The following SLC1A4 variants were observed in gnomAD, a reference collection of about 807,000 sequenced individuals.
The protein encoded by SLC1A4 is neutral amino acid transporter A.
SLC1A4 carries 19 observed loss-of-function variants against 37.7 expected under a neutral mutation model. The observed-to-expected ratio is 0.50, with a 90% CI of 0.35 to 0.74. SLC1A4 has a LOEUF of 0.74. SLC1A4 is among the 30% of genes least tolerant of loss of function. The pLI is 0.01. For synonymous variants in SLC1A4, 299 were observed against 309.8 expected, an observed-to-expected ratio of 0.97 and a Z score of 0.37; for missense variants, 570 against 712.9, an observed-to-expected ratio of 0.80 and a Z score of 2.28.
Position 65,022,358 on chromosome 2 carries a change from G to C in SLC1A4, c.*1212G>C, listed in dbSNP as rs2103688251. 6.6e-6 allele frequency: 1 copy of C among 152,360 alleles called. No homozygotes were observed. Among genetic ancestry groups the C allele is most frequent in the South Asian group, 2.1e-4 (1 of 4,828 alleles). 9.4% of individuals were successfully genotyped at this position (152,360 alleles called of 1,614,324 possible). The stretch of plus-strand genomic sequence containing the variant: ...GAAGGGGAAGATCTGAGAGCGTGCT[G>C]TTTGTGGCTGTTGATGCATATTCGT... On this transcript the variant is annotated 3_prime_UTR_variant, in exon 8 of 8. Transcript: ENST00000234256.
At position 65,010,583 on chromosome 2, in the gene SLC1A4, C is replaced by T; in HGVS notation, c.634-14C>T. The stretch of plus-strand genomic sequence containing the variant: ...ATCTGTTGTAAACTTGTTCTATCCT[C>T]TCTGATCCTGCAGATCCCCATAGGC... On this transcript the variant is annotated splice_polypyrimidine_tract_variant and intron_variant, in intron 3 of 7. Transcript: ENST00000234256. The T allele has an allele frequency of 6.3e-7, 1 of 1,593,228 alleles. No homozygotes were observed. Among genetic ancestry groups the T allele is most frequent in the Non-Finnish European group, 8.5e-7 (1 of 1,171,302 alleles).
Position 65,003,944 on chromosome 2 carries a change from T to C in SLC1A4, c.571-9T>C. 3 of 1,613,474 alleles carry C rather than the reference T, an allele frequency of 1.9e-6. No individual in the cohort carries two copies. The highest frequency in any genetic ancestry group is 2.5e-6 in the Non-Finnish European group (3 of 1,179,480). On this transcript the variant is annotated splice_polypyrimidine_tract_variant and intron_variant, in intron 2 of 7. Coordinates refer to ENST00000234256, the MANE Select transcript of SLC1A4 (RefSeq NM_003038.5). Reference sequence around the variant, plus strand: ...CTAACAGTGGGTTTTTTTTTCCTCTTGATCACAGTATGCAACCGATTATAA... The same window carrying C: ...CTAACAGTGGGTTTTTTTTTCCTCTCGATCACAGTATGCAACCGATTATAA...
rs1186552240 is a variant in SLC1A4 at position 64,989,822 on chromosome 2, C to T, written c.179C>T (p.Ala60Val). Reference protein sequence around the residue: ...SGVLAGAGLGAALRGLSLSRT... With the variant: ...SGVLAGAGLGVALRGLSLSRT... ...GTGCTGGCGGGCGCGGGCCTGGGCG[C>T]GGCGTTGCGCGGGCTCAGCCTGAGC... Residue 60 changes from alanine (A) to valine (V), a missense_variant, in exon 1 of 8, where the codon GCG becomes GTG. Physicochemically the swap from Ala to Val is moderately conservative, Grantham distance 64 (BLOSUM62 0). Coordinates refer to ENST00000234256, the MANE Select transcript of SLC1A4 (RefSeq NM_003038.5). 2 of 1,533,226 alleles carry T rather than the reference C, an allele frequency of 1.3e-6. No homozygotes were observed. Among genetic ancestry groups the T allele is most frequent in the Non-Finnish European group, 1.7e-6 (2 of 1,143,664 alleles). 95.0% of individuals were successfully genotyped at this position (1,533,226 alleles called of 1,614,324 possible).
intron 3 of SLC1A4, among the ~76,000 whole-genome samples, chr2:65,004,262 T>C (rs893544352): frequency 1.3e-5 from 2 of 152,124 alleles, no homozygotes; most frequent in African/African-American, 4.8e-5. Flanking sequence ...GTTGTTTGTT[T>C]GTTTGTTTGA....
At chr2:64,992,282 C>T (rs1229243905) in intron 1 of SLC1A4, among the ~76,000 whole-genome samples, 2 of 152,174 alleles carry the variant, frequency 1.3e-5, no homozygotes, top group Non-Finnish European at 2.9e-5. Flanking sequence ...TAGGGGGTAC[C>T]TCATTACCTC....
intron 1 of SLC1A4, among the ~76,000 whole-genome samples, chr2:64,998,928 G>A (rs1673366171): frequency 6.6e-6 from 1 of 152,174 alleles, no homozygotes; most frequent in African/African-American, 2.4e-5. Context: ...CGGTCCTCAT[G>A]GAAAGAGAAA....
At chr2:65,001,893 A>G (rs578062845) in intron 2 of SLC1A4, among the ~76,000 whole-genome samples, 1 of 152,384 alleles carries the variant, frequency 6.6e-6, no homozygotes, top group East Asian at 1.9e-4. Flanking sequence ...GAAAACAAAA[A>G]TCATCCATAG....
At chr2:65,004,654 CT>C (rs150485444) in intron 3 of SLC1A4, among the ~76,000 whole-genome samples, 141 of 151,928 alleles carry the variant, frequency 9.3e-4, no homozygotes, top group African/African-American at 3.2e-3. Context: ...TAAACTACCC[CT>C]ATACCTATTA....
At chr2:65,019,561 G>T (rs1674323619) in intron 7 of SLC1A4, among the ~76,000 whole-genome samples, 1 of 152,222 alleles carries the variant, frequency 6.6e-6, no homozygotes, top group Admixed American at 6.5e-5. Context: ...TCCAGACCAG[G>T]TTCGTCACAG....
chr2:65,016,287 G>A (rs1238672478), intron 4 of SLC1A4, among the ~76,000 whole-genome samples, 153 bp from the exon 5 acceptor site: 1 of 152,192 alleles, frequency 6.6e-6, no homozygotes, highest in Non-Finnish European at 1.5e-5. Context: ...AATGGGGATG[G>A]TATAACCCTG....
intron 2 of SLC1A4, among the ~76,000 whole-genome samples, chr2:65,003,264 C>A (rs1673547859): frequency 6.6e-6 from 1 of 152,130 alleles, no homozygotes. Flanking sequence ...TTCGAAGGGG[C>A]CAGGAAGGAC....
intron 1 of SLC1A4, chr2:64,994,836 C>T (rs1673191499): frequency 6.6e-6 from 1 of 152,142 alleles, no homozygotes; most frequent in South Asian, 2.1e-4. Flanking sequence ...ACGTGATGTT[C>T]CAATGTGAAG....
chr2:64,989,807 G>C lies in SLC1A4; in HGVS notation c.164G>C (p.Gly55Ala). 1 of 1,526,140 alleles carries C rather than the reference G, an allele frequency of 6.6e-7. No homozygotes were observed. Among genetic ancestry groups the C allele is most frequent in the Non-Finnish European group, 8.8e-7 (1 of 1,140,452 alleles). 94.5% of individuals were successfully genotyped at this position (1,526,140 alleles called of 1,614,324 possible). A position where few individuals can be genotyped will look rare whatever the true frequency, so the allele number is the denominator to read the frequency against. Residue 55 changes from glycine (G) to alanine (A), a missense_variant, in exon 1 of 8, where the codon GGC becomes GCC. Physicochemically the swap from Gly to Ala is moderately conservative, Grantham distance 60. Coordinates refer to ENST00000234256, the MANE Select transcript of SLC1A4 (RefSeq NM_003038.5). ...CTCACCGTGTCCGGGGTGCTGGCGG[G>C]CGCGGGCCTGGGCGCGGCGTTGCGC... ...VLLTVSGVLA[G>A]AGLGAALRGL...
chr2:65,017,358 A>C (rs1047442517), intron 5 of SLC1A4, among the ~76,000 whole-genome samples: 7 of 152,142 alleles, frequency 4.6e-5, no homozygotes, highest in Admixed American at 2.0e-4. Flanking sequence ...AAAAAAAAAA[A>C]AAAACACTGG....
At chr2:65,005,100 G>T (rs990949167) in intron 3 of SLC1A4, among the ~76,000 whole-genome samples, 4 of 152,182 alleles carry the variant, frequency 2.6e-5, no homozygotes, top group Non-Finnish European at 5.9e-5. Context: ...AAACTATGCA[G>T]AAAAAATATT....
Position 65,022,533 on chromosome 2 carries a change from C to G in SLC1A4, c.*1387C>G, listed in dbSNP as rs1192681362. 1 of 139,248 alleles carries G rather than the reference C, an allele frequency of 7.2e-6. No individual in the cohort carries two copies. Among genetic ancestry groups the G allele is most frequent in the African/African-American group, 2.6e-5 (1 of 37,996 alleles). 8.6% of individuals were successfully genotyped at this position (139,248 alleles called of 1,614,324 possible). On this transcript the variant is annotated 3_prime_UTR_variant, in exon 8 of 8. Coordinates refer to ENST00000234256, the MANE Select transcript of SLC1A4 (RefSeq NM_003038.5). ...ACTTCTTGGATATCAAGTGCTAACC[C>G]AGTATGTTCTTCTTTTTTATGTAAG...
At chr2:65,002,000 C>T (rs1001469732) in intron 2 of SLC1A4, among the ~76,000 whole-genome samples, 16 of 152,202 alleles carry the variant, frequency 1.1e-4, no homozygotes, top group Non-Finnish European at 1.6e-4. Context: ...AGCATACAGG[C>T]TGGGCGCAGT....
At position 64,990,010 on chromosome 2, in the gene SLC1A4, C is replaced by T. The variant is rs761357451; in HGVS notation, c.367C>T (p.Leu123Phe). ...CGGCATCGCTGTCGCCTACTTTGGC[C>T]TCACCACACTGAGTGCCTCGGCGCT... ...LGGIAVAYFG[L>F]TTLSASALAV... The change falls in exon 1 of 8, where the codon CTC becomes TTC. Residue 123 changes from leucine to phenylalanine, a missense_variant. Leu to Phe is a conservative substitution (Grantham distance 22, BLOSUM62 0). Transcript: ENST00000234256. 1.1e-5 allele frequency: 18 copies of T among 1,600,112 alleles called. No homozygotes were observed. Among genetic ancestry groups the T allele is most frequent in the Non-Finnish European group, 1.4e-5 (16 of 1,173,514 alleles).
At chr2:65,020,675 C>G (rs1674382306) in intron 7 of SLC1A4, among the ~76,000 whole-genome samples, 1 of 152,208 alleles carries the variant, frequency 6.6e-6, no homozygotes, top group Admixed American at 6.5e-5. Context: ...CAGTTGGGGA[C>G]TAGGGGTGAG....
Sources: allele counts gnomAD v4.1 joint callset (sites outside exome capture counted in the v4.1 genomes callset), GRCh38; gene constraint gnomAD v4.1.1; transcripts MANE v1.5; gene names NCBI Gene and HGNC (gene_info 2026-07-23, HGNC 2026-07-21).